The following CHRM3 variants were observed in gnomAD, a reference collection of about 807,000 sequenced individuals.
CHRM3 encodes the protein muscarinic acetylcholine receptor M3.
CHRM3 carries 11 observed loss-of-function variants against 41.8 expected under a neutral mutation model. That is an observed-to-expected ratio of 0.26 (90% CI 0.17 to 0.44). CHRM3 has a LOEUF of 0.44. Ranked by LOEUF, CHRM3 falls within the 20% of genes least tolerant of loss-of-function variation. CHRM3 has a pLI of 1.00. For missense variants in CHRM3, 571 were observed against 745.4 expected (o/e 0.77, Z 2.72); for synonymous variants, 297 against 301.4 (o/e 0.99, Z 0.15).
intron 5 of CHRM3, among the ~76,000 whole-genome samples, chr1:239,795,059 G>C (rs1669658844): frequency 6.6e-6 from 1 of 152,052 alleles, no homozygotes; most frequent in African/African-American, 2.4e-5. Context: ...TGTAGTATTG[G>C]TTATTCTTAA....
chr1:239,643,075 C>T (rs1671366503), intron 4 of CHRM3, among the ~76,000 whole-genome samples: 1 of 152,182 alleles, frequency 6.6e-6, no homozygotes, highest in South Asian at 2.1e-4. Context: ...GTCTGCAGAA[C>T]AGTGGATGTT....
chr1:239,476,274 T>C (rs1666462073), intron 1 of CHRM3, among the ~76,000 whole-genome samples: 1 of 152,070 alleles, frequency 6.6e-6, no homozygotes. Context: ...GAAACCAGTC[T>C]TGCCAACGTG....
intron 6 of CHRM3, among the ~76,000 whole-genome samples, chr1:239,878,572 C>T (rs1677315736): frequency 6.6e-6 from 1 of 151,928 alleles, no homozygotes. Flanking sequence ...CGGCTATATA[C>T]AGTAATGACT....
chr1:239,698,858 G>A (rs377660946), intron 5 of CHRM3, among the ~76,000 whole-genome samples: 149 of 152,234 alleles, frequency 9.8e-4, no homozygotes, highest in African/African-American at 3.4e-3. Context: ...AGACCCACTT[G>A]CACTTCAAAA....
intron 4 of CHRM3, 133 bp downstream of exon 4, chr1:239,632,419 G>T (rs774706446): frequency 1.8e-4 from 27 of 152,176 alleles, no homozygotes; most frequent in Non-Finnish European, 3.7e-4. Context: ...GTTACCATTA[G>T]TCATGCTCAA....
At chr1:239,792,692 G>T (rs1350530022) in intron 5 of CHRM3, among the ~76,000 whole-genome samples, 1 of 152,198 alleles carries the variant, frequency 6.6e-6, no homozygotes, top group Admixed American at 6.5e-5. Context: ...GGACTTGAAT[G>T]AATTTTTAAA....
rs547873565 is a variant in CHRM3, at chr1:239,824,085, G to A, written c.-146-3167G>A. Reference sequence around the variant, plus strand: ...GGGCACAGAATGCCAGGCTGCCGGCGGTGCCCTCTGTCTCGTTGGTGAGGC... The same window carrying A: ...GGGCACAGAATGCCAGGCTGCCGGCAGTGCCCTCTGTCTCGTTGGTGAGGC... On this transcript the variant is annotated intron_variant, in intron 5 of 6. Coordinates refer to ENST00000676153, the MANE Select transcript of CHRM3 (RefSeq NM_001375978.1). Among the ~76,000 whole-genome samples, 8 of 152,174 alleles carry A rather than the reference G, an allele frequency of 5.3e-5. No individual in the cohort carries two copies. In the South Asian group the frequency reaches 6.3e-4, roughly 12 times the overall value.
intron 1 of CHRM3, among the ~76,000 whole-genome samples, chr1:239,473,119 CT>C (rs1666237984): frequency 6.6e-6 from 1 of 151,754 alleles, no homozygotes; most frequent in Non-Finnish European, 1.5e-5. Flanking sequence ...ACCAACTTAA[CT>C]ATGAATCCCA....
chr1:239,797,755 T>A (rs1261486317), intron 5 of CHRM3, among the ~76,000 whole-genome samples: 1 of 152,104 alleles, frequency 6.6e-6, no homozygotes, highest in Non-Finnish European at 1.5e-5. Context: ...GCCTCAAACT[T>A]AAAAAGTCCA....
chr1:239,898,792 G>A (rs555154679), intron 6 of CHRM3, among the ~76,000 whole-genome samples: 7 of 152,190 alleles, frequency 4.6e-5, no homozygotes, highest in East Asian at 1.9e-4. Flanking sequence ...GGCCTTGTCC[G>A]TTTCTGTAAG....
intron 6 of CHRM3, among the ~76,000 whole-genome samples, chr1:239,845,156 A>G (rs1183561829): frequency 6.6e-6 from 1 of 152,194 alleles, no homozygotes; most frequent in Non-Finnish European, 1.5e-5. Flanking sequence ...AAGTTACACA[A>G]TGCATATGAA....
intron 5 of CHRM3, among the ~76,000 whole-genome samples, chr1:239,813,578 A>G (rs1312102026): frequency 2.0e-5 from 3 of 152,142 alleles, no homozygotes; most frequent in African/African-American, 7.2e-5. Flanking sequence ...CAAAATAGAG[A>G]GAAGACTTCA....
intron 1 of CHRM3, among the ~76,000 whole-genome samples, chr1:239,422,962 G>A (rs1033255824): frequency 6.6e-6 from 1 of 152,108 alleles, no homozygotes; most frequent in Non-Finnish European, 1.5e-5. Flanking sequence ...AAGAATGATA[G>A]GAGAGGGCGG....
intron 5 of CHRM3, among the ~76,000 whole-genome samples, chr1:239,680,033 T>C (rs907260911): frequency 2.0e-5 from 3 of 152,078 alleles, no homozygotes; most frequent in South Asian, 2.1e-4. Flanking sequence ...AATTATTCCA[T>C]TGTGCAGCCA....
At chr1:239,496,212 A>T (rs956709881) in intron 2 of CHRM3, among the ~76,000 whole-genome samples, 4 of 152,118 alleles carry the variant, frequency 2.6e-5, no homozygotes, top group Non-Finnish European at 4.4e-5. Flanking sequence ...GTATCATCTG[A>T]GTATAGTCTG....
At chr1:239,558,401 A>G (rs550895367) in intron 3 of CHRM3, among the ~76,000 whole-genome samples, 2 of 152,188 alleles carry the variant, frequency 1.3e-5, no homozygotes, top group Non-Finnish European at 2.9e-5. Flanking sequence ...AGATTGCAAA[A>G]AGTCCAGACA....
At chr1:239,583,362 A>G (rs749832874) in intron 3 of CHRM3, among the ~76,000 whole-genome samples, 1 of 152,228 alleles carries the variant, frequency 6.6e-6, no homozygotes, top group Non-Finnish European at 1.5e-5. Context: ...CTTATTAAAT[A>G]CTAGACACAA....
intron 1 of CHRM3, among the ~76,000 whole-genome samples, chr1:239,409,953 C>CAA (rs200222916): frequency 6.6e-6 from 1 of 151,612 alleles, no homozygotes; most frequent in South Asian, 2.1e-4. Flanking sequence ...CAAAAACAAA[C>CAA]AAAAAAAAGA....
intron 5 of CHRM3, among the ~76,000 whole-genome samples, chr1:239,686,748 T>C (rs1158953082): frequency 6.6e-6 from 1 of 152,180 alleles, no homozygotes; most frequent in Non-Finnish European, 1.5e-5. Flanking sequence ...ATTTCTTGAT[T>C]TATCATCATT....
Sources: allele counts gnomAD v4.1 joint callset (sites outside exome capture counted in the v4.1 genomes callset), GRCh38; gene constraint gnomAD v4.1.1; transcripts MANE v1.5; gene names NCBI Gene and HGNC (gene_info 2026-07-23, HGNC 2026-07-21).